Variants in ZNF280C observed in about 807,000 individuals in gnomAD.
ZNF280C encodes the protein zinc finger protein 280C, also known as suppressor of hairy wing homolog 3.
In ZNF280C, 14 loss-of-function variants were observed where a neutral mutation model predicts 53.6. That is an observed-to-expected ratio of 0.26 (90% confidence interval 0.17 to 0.41). The LOEUF (loss-of-function observed/expected upper bound fraction) is 0.41, where lower values mean the gene tolerates loss of function less well. ZNF280C is among the 10% of genes least tolerant of loss of function. The pLI, the probability that ZNF280C is intolerant of heterozygous loss-of-function variation, is 1.00. For synonymous variants in ZNF280C, 203 were observed against 181.1 expected (o/e 1.12, Z -0.97); for missense variants, 416 against 547.1 (o/e 0.76, Z 2.39).
At chrX:130,236,713 A>C in intron 6 of ZNF280C, 74 bp from the exon 7 acceptor site, 2 of 742,060 alleles carry the variant, frequency 2.7e-6, no homozygotes, top group African/African-American at 2.2e-5. Flanking sequence ...TAAAACTGCT[A>C]CCAAAATGGC....
At chrX:130,252,145 C>G (rs2032520077) in intron 2 of ZNF280C, among the ~76,000 whole-genome samples, 2 of 111,441 alleles carry the variant, frequency 1.8e-5, no homozygotes, top group Admixed American at 1.9e-4. Flanking sequence ...ACGAAAAAAC[C>G]AAAAATCAAA....
intron 3 of ZNF280C, among the ~76,000 whole-genome samples, chrX:130,246,062 C>T (rs1369579058): frequency 8.9e-6 from 1 of 112,065 alleles, no homozygotes; most frequent in Non-Finnish European, 1.9e-5. Flanking sequence ...GCTAGGATTA[C>T]AGGGAGGAGA....
intron 2 of ZNF280C, among the ~76,000 whole-genome samples, chrX:130,247,624 A>G (rs1304827241): frequency 8.9e-6 from 1 of 112,181 alleles, no homozygotes; most frequent in Non-Finnish European, 1.9e-5. Flanking sequence ...ACAGTGGCCA[A>G]TACATTTTAG....
chrX:130,210,993 T>C (rs1046441291), intron 15 of ZNF280C, among the ~76,000 whole-genome samples: 8 of 112,486 alleles, frequency 7.1e-5, no homozygotes, highest in African/African-American at 2.3e-4. Context: ...CTGATTCTTA[T>C]GCAAGCTAGT....
chrX:130,252,956 G>A (rs921258211), intron 2 of ZNF280C, among the ~76,000 whole-genome samples: 13 of 111,541 alleles, frequency 1.2e-4, no homozygotes, highest in African/African-American at 3.9e-4. Flanking sequence ...CATCCACATA[G>A]GAAGACAGGA....
intron 18 of ZNF280C, 31 bp downstream of exon 18, chrX:130,205,086 G>A (rs766869019): frequency 7.6e-6 from 9 of 1,178,340 alleles, no homozygotes; most frequent in South Asian, 2.0e-5. Context: ...GTCCATCAAA[G>A]CAAAATGCAC....
intron 3 of ZNF280C, 75 bp from the exon 4 acceptor site, chrX:130,243,940 A>T: frequency 3.2e-6 from 2 of 615,397 alleles, no homozygotes; most frequent in Non-Finnish European, 4.8e-6. Context: ...CTCCAAAAAC[A>T]TATCTTTGCA....
At chrX:130,259,684 T>C (rs1380394102) in intron 2 of ZNF280C, among the ~76,000 whole-genome samples, 1 of 112,596 alleles carries the variant, frequency 8.9e-6, no homozygotes, top group African/African-American at 3.2e-5. Context: ...ACTAGGAATA[T>C]GTATTACTTT....
In ZNF280C at chrX:130,215,181, T is replaced by A. The variant is rs1181653783; in HGVS notation, c.1979+12A>T. The stretch of plus-strand genomic sequence containing the variant: ...TGGAAATTCTGATTGGCAGTTTACA[T>A]GTTTAACTTACCTCATCATATGATT... On this transcript the variant is annotated intron_variant, in intron 15 of 18. Coordinates refer to ENST00000370978, the MANE Select transcript of ZNF280C (RefSeq NM_017666.5). 2.0e-5 allele frequency: 24 copies of A among 1,205,621 alleles called. No individual in the cohort carries two copies. Among genetic ancestry groups the A allele is most frequent in the Non-Finnish European group, 2.7e-5 (24 of 892,584 alleles).
At chrX:130,259,410 T>C (rs2032606907) in intron 2 of ZNF280C, among the ~76,000 whole-genome samples, 1 of 112,446 alleles carries the variant, frequency 8.9e-6, no homozygotes, top group Non-Finnish European at 1.9e-5. Context: ...CACTGTGATA[T>C]TATGGGAACA....
intron 2 of ZNF280C, among the ~76,000 whole-genome samples, chrX:130,255,139 TTC>T (rs2032554162): frequency 2.8e-5 from 3 of 106,690 alleles, no homozygotes; most frequent in Non-Finnish European, 3.9e-5. Flanking sequence ...TTCTTTTTTT[TTC>T]TTTTTTTTTT....
At chrX:130,247,258 A>G (rs1327162424) in intron 2 of ZNF280C, among the ~76,000 whole-genome samples, 2 of 110,814 alleles carry the variant, frequency 1.8e-5, no homozygotes, top group African/African-American at 6.6e-5. Flanking sequence ...ACAGGCGCCC[A>G]CTGCTACGCC....
At position 130,258,335 on chromosome X, in the gene ZNF280C, C is replaced by CAAAAT. The variant is rs201298619; in HGVS notation, c.31+2079_31+2083dup. Among the ~76,000 whole-genome samples the CAAAAT allele has an allele frequency of 8.3e-3, 932 of 111,814 alleles. 13 individuals carry two copies. The highest frequency in any genetic ancestry group is 0.029 in the African/African-American group (899 of 30,856). The stretch of plus-strand genomic sequence containing the variant: ...AATAATGCCATTTCTACTTTTGACT[C>CAAAAT]AAAATTAAGGCCATCCTTTAGCATG... On this transcript the variant is annotated intron_variant, in intron 2 of 18. Transcript: ENST00000370978.
chrX:130,236,170 T>C lies in ZNF280C; in HGVS notation c.771+44A>G, dbSNP rs776203195. 9 of 930,866 alleles carry C rather than the reference T, an allele frequency of 9.7e-6. No homozygotes were observed. In the South Asian group the frequency reaches 2.1e-4, roughly 21 times the overall value. The allele number at this position is 930,866 out of a possible 1,213,427, so 76.7% of individuals were successfully genotyped here. On this transcript the variant is annotated intron_variant, in intron 8 of 18. Transcript: ENST00000370978. Reference sequence around the variant, plus strand: ...TATCAATTTTCAATATTTTCAAGGATCTATAAAACATTTTTAACAATTGAA... The same window carrying C: ...TATCAATTTTCAATATTTTCAAGGACCTATAAAACATTTTTAACAATTGAA...
chrX:130,221,471 A>G (rs1182309661), intron 12 of ZNF280C, among the ~76,000 whole-genome samples: 1 of 111,609 alleles, frequency 9.0e-6, no homozygotes, highest in African/African-American at 3.3e-5. Flanking sequence ...TTTCAAATCA[A>G]CATGGACAAA....
chrX:130,204,801 A>T lies in ZNF280C; in HGVS notation c.*176T>A. On this transcript the variant is annotated 3_prime_UTR_variant, in exon 19 of 19. Coordinates refer to ENST00000370978, the MANE Select transcript of ZNF280C (RefSeq NM_017666.5). ...GATATGTTAACCTGACGCAAAGATAAGGTGGAATAACAATGTAGTGGCATC... is the reference window on the plus strand; with the variant it reads ...GATATGTTAACCTGACGCAAAGATATGGTGGAATAACAATGTAGTGGCATC... 2.7e-6 allele frequency: 1 copy of T among 370,330 alleles called. No homozygotes were observed. The highest frequency in any genetic ancestry group is 4.7e-6 in the Non-Finnish European group (1 of 211,628). 30.5% of individuals were successfully genotyped at this position (370,330 alleles called of 1,213,427 possible).
chrX:130,219,843 G>A (rs1325399170), intron 13 of ZNF280C, among the ~76,000 whole-genome samples: 1 of 110,566 alleles, frequency 9.0e-6, no homozygotes, highest in East Asian at 2.8e-4. Context: ...CTACAATCTA[G>A]TTGCACTAGA....
rs747128931 is a variant in ZNF280C, at chrX:130,204,981, T to G, written c.2210A>C (p.Lys737Thr). The G allele has an allele frequency of 3.7e-6, 4 of 1,080,909 alleles. No homozygotes were observed. The East Asian group carries it at 1.0e-4, about 28-fold the overall frequency. The allele number at this position is 1,080,909 out of a possible 1,213,427, so 89.1% of individuals were successfully genotyped here. Residue 737 changes from lysine to threonine, a missense_variant, in exon 19 of 19, where the codon AAA becomes ACA. Transcript: ENST00000370978. ...TSEPTTGCSL[K>T] ...TGAACTCCATGGAGCAGGAATCTATTTCAATGAGCAGCTTTAAGAAAAAAA... is the reference window on the plus strand; with the variant it reads ...TGAACTCCATGGAGCAGGAATCTATGTCAATGAGCAGCTTTAAGAAAAAAA...
intron 6 of ZNF280C, among the ~76,000 whole-genome samples, chrX:130,238,330 G>T (rs2614254): frequency 0.53 from 58,954 of 110,196 alleles, 12,914 homozygotes; most frequent in African/African-American, 0.85. Context: ...AATTAAAATT[G>T]AATATCCAAA....
Sources: gnomAD v4.1 joint callset for allele counts (sites outside exome capture counted in the v4.1 genomes callset) on GRCh38, gnomAD v4.1.1 for gene constraint, MANE v1.5 for transcripts, NCBI Gene and HGNC (gene_info 2026-07-23, HGNC 2026-07-21) for gene names.